The following SULF1 variants were observed in gnomAD, a reference collection of about 807,000 sequenced individuals.
SULF1 encodes the protein extracellular sulfatase Sulf-1.
In SULF1, 46 loss-of-function variants were observed where a neutral mutation model predicts 110.5. That is an observed-to-expected ratio of 0.42 (90% CI 0.33 to 0.53). SULF1 has a LOEUF of 0.53. Ranked by LOEUF, SULF1 falls within the 20% of genes least tolerant of loss-of-function variation. SULF1 has a pLI of 0.12. For synonymous variants in SULF1, 371 were observed against 387.1 expected, an observed-to-expected ratio of 0.96 and a Z score of 0.49; for missense variants, 941 against 1,094.2, an observed-to-expected ratio of 0.86 and a Z score of 1.98.
Position 69,623,892 on chromosome 8 carries a change from T to G in SULF1, c.1595-50T>G, listed in dbSNP as rs200233303. On this transcript the variant is annotated intron_variant, in intron 14 of 22. Transcript: ENST00000402687. ...GGACCAGGTGATCACTTTCTTCCCT[T>G]GTAAGCTACATCAGGACATCCATAG... 99 of 1,568,238 alleles carry G rather than the reference T, an allele frequency of 6.3e-5. No homozygotes were observed. The East Asian group carries it at 9.2e-4, about 15-fold the overall frequency.
intron 8 of SULF1, among the ~76,000 whole-genome samples, chr8:69,595,081 T>C (rs1186290510): frequency 6.6e-6 from 1 of 152,148 alleles, no homozygotes; most frequent in Non-Finnish European, 1.5e-5. Context: ...AAAAATAGTA[T>C]CAAGATATTT....
intron 3 of SULF1, among the ~76,000 whole-genome samples, chr8:69,538,937 G>A (rs138619767): frequency 0.014 from 2,143 of 152,196 alleles, 46 homozygotes; most frequent in African/African-American, 0.046. Context: ...GTGATCTGCC[G>A]GCTTCGGCCT....
intron 5 of SULF1, among the ~76,000 whole-genome samples, chr8:69,574,543 T>C (rs1348857904): frequency 1.3e-5 from 2 of 152,246 alleles, no homozygotes; most frequent in South Asian, 4.1e-4. Flanking sequence ...TACGTGTGCA[T>C]TGCTTTGCAA....
intron 15 of SULF1, chr8:69,626,098 TAC>T (rs1181986686): frequency 6.8e-6 from 1 of 148,064 alleles, no homozygotes; most frequent in Non-Finnish European, 1.5e-5. Flanking sequence ...TTGAGCTAGA[TAC>T]AGTGTCAAAT....
chr8:69,620,991 C>A (rs1407683694), intron 13 of SULF1, 44 bp from the exon 14 acceptor site: 2 of 1,507,394 alleles, frequency 1.3e-6, no homozygotes, highest in Non-Finnish European at 1.8e-6. Context: ...ATAAATAACA[C>A]CTGGAGCAGA....
chr8:69,509,469 T>C (rs1485640755), intron 3 of SULF1, among the ~76,000 whole-genome samples: 3 of 152,224 alleles, frequency 2.0e-5, no homozygotes, highest in Non-Finnish European at 2.9e-5. Context: ...GTGAAAAATA[T>C]AGCACATACT....
chr8:69,573,247 G>C (rs1198472446), intron 5 of SULF1, among the ~76,000 whole-genome samples: 1 of 148,516 alleles, frequency 6.7e-6, no homozygotes, highest in Non-Finnish European at 1.5e-5. Flanking sequence ...GGCATCTGGA[G>C]GGATTGCTTG....
At chr8:69,639,824 A>G (rs2130678577) in intron 21 of SULF1, among the ~76,000 whole-genome samples, 1 of 152,292 alleles carries the variant, frequency 6.6e-6, no homozygotes, top group Non-Finnish European at 1.5e-5. Flanking sequence ...AGAATGATCA[A>G]TATCACCACC....
chr8:69,581,034 G>T (rs1806027749), intron 6 of SULF1, among the ~76,000 whole-genome samples: 1 of 152,118 alleles, frequency 6.6e-6, no homozygotes, highest in Admixed American at 6.5e-5. Context: ...CATGAGAAAT[G>T]TCATACATTT....
chr8:69,487,991 G>A (rs1012862425), upstream of SULF1, among the ~76,000 whole-genome samples: 3 of 152,140 alleles, frequency 2.0e-5, no homozygotes, highest in Admixed American at 1.3e-4. Context: ...AGATTAGATC[G>A]TTGTTCAAGA....
intron 6 of SULF1, among the ~76,000 whole-genome samples, chr8:69,583,165 G>A (rs1806196125): frequency 6.6e-6 from 1 of 151,780 alleles, no homozygotes; most frequent in African/African-American, 2.4e-5. Flanking sequence ...TTCTCAGACT[G>A]GAGTCTAGAT....
At chr8:69,476,899 G>A (rs761930591) in intron 1 of SULF1, among the ~76,000 whole-genome samples, 2 of 152,102 alleles carry the variant, frequency 1.3e-5, no homozygotes, top group African/African-American at 2.4e-5. Flanking sequence ...CATCATCTTC[G>A]GCAAGCACAA....
At chr8:69,500,191 A>G (rs1399593870) in intron 2 of SULF1, among the ~76,000 whole-genome samples, 1 of 152,246 alleles carries the variant, frequency 6.6e-6, no homozygotes, top group Admixed American at 6.5e-5. Flanking sequence ...TCTAAAAAAA[A>G]TCAGTCCAAG....
chr8:69,645,748 T>G lies in SULF1; in HGVS notation c.2585+4907T>G, dbSNP rs182201986. Among the ~76,000 whole-genome samples the G allele has an allele frequency of 1.2e-4, 19 of 152,102 alleles. No individual in the cohort carries two copies. In the East Asian group the frequency reaches 3.3e-3, roughly 26 times the overall value. On this transcript the variant is annotated intron_variant, in intron 22 of 22. Transcript: ENST00000402687. The stretch of plus-strand genomic sequence containing the variant: ...GGACTTATCATCAGTTCCGTGACAG[T>G]GCAAGGGAAGGAGAAGAGAAGGATG...
intron 3 of SULF1, among the ~76,000 whole-genome samples, chr8:69,543,334 C>G (rs1563514785): frequency 6.6e-6 from 1 of 152,086 alleles, no homozygotes; most frequent in Non-Finnish European, 1.5e-5. Context: ...GGCATTAAAC[C>G]CAGCATGCAT....
intron 1 of SULF1, among the ~76,000 whole-genome samples, chr8:69,477,042 G>A (rs991536468): frequency 6.6e-6 from 1 of 152,138 alleles, no homozygotes; most frequent in African/African-American, 2.4e-5. Flanking sequence ...CTTAATTTTG[G>A]ATTGTCTAAG....
In SULF1 at chr8:69,644,641, C is replaced by G. The variant is rs183762744; in HGVS notation, c.2585+3800C>G. 9.4e-3 allele frequency among the ~76,000 whole-genome samples: 1,418 copies of G among 151,434 alleles called. 19 individuals carry two copies. Among genetic ancestry groups the G allele is most frequent in the African/African-American group, 0.033 (1,362 of 41,256 alleles). The stretch of plus-strand genomic sequence containing the variant: ...ATACAAAAAAAAAAGAAAAATTAGC[C>G]GGGCATGGTGGCGGGAGGCTGAGGC... On this transcript the variant is annotated intron_variant, in intron 22 of 22. Coordinates refer to ENST00000402687, the MANE Select transcript of SULF1 (RefSeq NM_001128205.2).
chr8:69,572,020 C>T (rs1805267524), intron 5 of SULF1, among the ~76,000 whole-genome samples: 1 of 152,196 alleles, frequency 6.6e-6, no homozygotes, highest in African/African-American at 2.4e-5. Flanking sequence ...AGATCCACAG[C>T]CCACTCATGC....
intron 18 of SULF1, 144 bp from the exon 19 acceptor site, chr8:69,629,360 T>C: frequency 1.3e-6 from 1 of 797,800 alleles, no homozygotes; most frequent in Non-Finnish European, 1.9e-6. Context: ...GATTCTATTT[T>C]AAGTCCCTCT....
Sources: gnomAD v4.1 joint callset for allele counts (sites outside exome capture counted in the v4.1 genomes callset) on GRCh38, gnomAD v4.1.1 for gene constraint, MANE v1.5 for transcripts, NCBI Gene and HGNC (gene_info 2026-07-23, HGNC 2026-07-21) for gene names.